Variants in IGF1R observed in about 807,000 individuals in gnomAD.
IGF1R encodes insulin-like growth factor 1 receptor.
A neutral mutation model predicts 144.6 loss-of-function variants in IGF1R; 44 were observed. That is an observed-to-expected ratio of 0.30 (90% CI 0.24 to 0.39). The LOEUF (loss-of-function observed/expected upper bound fraction) is 0.39, where lower values mean the gene tolerates loss of function less well. Ranked by LOEUF, IGF1R falls within the 10% of genes least tolerant of loss-of-function variation. The pLI, the probability that IGF1R is intolerant of heterozygous loss-of-function variation, is 1.00. For missense variants in IGF1R, 1,355 were observed against 1,833.7 expected, an observed-to-expected ratio of 0.74 and a Z score of 4.77; for synonymous variants, 795 against 722.8, an observed-to-expected ratio of 1.10 and a Z score of -1.60.
At chr15:98,868,686 T>C (rs1447235255) in intron 2 of IGF1R, among the ~76,000 whole-genome samples, 2 of 152,296 alleles carry the variant, frequency 1.3e-5, no homozygotes, top group South Asian at 2.1e-4. Flanking sequence ...CACTCTCTCT[T>C]TGTGCCTCAG....
rs1250021534 is a variant in IGF1R at position 98,803,182 on chromosome 15, A to G, written c.641-88143A>G. Among the ~76,000 whole-genome samples the G allele has an allele frequency of 3.9e-5, 6 of 152,188 alleles. No homozygotes were observed. The South Asian group carries it at 1.2e-3, about 31-fold the overall frequency. On this transcript the variant is annotated intron_variant, in intron 2 of 20. Transcript: ENST00000650285. ...GCGTACTTTCACAAACTTAGTTGAT[A>G]CAGCCTACTACACACCTAGGGTCCA...
At chr15:98,946,474 AGGT>A (rs941203658) in intron 19 of IGF1R, among the ~76,000 whole-genome samples, 4 of 151,986 alleles carry the variant, frequency 2.6e-5, no homozygotes, top group African/African-American at 9.7e-5. Flanking sequence ...ACCAAAGGAG[AGGT>A]GGTGGTGGGC....
At chr15:98,954,366 G>A (rs1250565361) in intron 20 of IGF1R, 1 of 150,904 alleles carries the variant, frequency 6.6e-6, no homozygotes, top group Non-Finnish European at 1.5e-5. Context: ...GAGAAGGATG[G>A]CGCCAGCCTC....
At chr15:98,840,980 C>T (rs1025191946) in intron 2 of IGF1R, among the ~76,000 whole-genome samples, 10 of 152,200 alleles carry the variant, frequency 6.6e-5, no homozygotes, top group Non-Finnish European at 1.2e-4. Flanking sequence ...TGCGCCTGGC[C>T]GTCCAGGCTG....
chr15:98,727,130 C>CT (rs781259299), intron 2 of IGF1R, among the ~76,000 whole-genome samples: 2 of 152,192 alleles, frequency 1.3e-5, no homozygotes, highest in Non-Finnish European at 2.9e-5. Context: ...TAAAACCATT[C>CT]TTTAATCTTG....
chr15:98,654,770 A>G (rs2141166642), intron 1 of IGF1R, among the ~76,000 whole-genome samples: 1 of 152,098 alleles, frequency 6.6e-6, no homozygotes, highest in East Asian at 1.9e-4. Flanking sequence ...TACTAAATAT[A>G]TAATAGTTGC....
At chr15:98,778,837 G>A (rs780078228) in intron 2 of IGF1R, among the ~76,000 whole-genome samples, 14 of 152,088 alleles carry the variant, frequency 9.2e-5, no homozygotes, top group Non-Finnish European at 1.6e-4. Context: ...GTGGATTTCC[G>A]GTGACTGATG....
chr15:98,907,126 G>T (rs1175875368), intron 5 of IGF1R, among the ~76,000 whole-genome samples: 2 of 152,228 alleles, frequency 1.3e-5, no homozygotes, highest in Non-Finnish European at 2.9e-5. Context: ...GCGCATGGCT[G>T]TGCAGCTCAT....
chr15:98,859,768 TAAG>T (rs1567165338), intron 2 of IGF1R, among the ~76,000 whole-genome samples: 1 of 152,236 alleles, frequency 6.6e-6, no homozygotes, highest in East Asian at 1.9e-4. Flanking sequence ...AGCCTAAATA[TAAG>T]AAGGTGTATG....
rs1385817382 is a variant in IGF1R at position 98,913,002 on chromosome 15, T to C, written c.1590-42T>C. The C allele has an allele frequency of 2.8e-6, 4 of 1,405,250 alleles. No individual in the cohort carries two copies. The South Asian group carries it at 4.6e-5, about 16-fold the overall frequency. The allele number at this position is 1,405,250 out of a possible 1,614,324, so 87.0% of individuals were successfully genotyped here. A position where few individuals can be genotyped will look rare whatever the true frequency, so the allele number is the denominator to read the frequency against. ...TGGGGAAGATTTTTGAGGGTTTTGA[T>C]GTCAGAGCCCCGAACTTTCTCTGAA... is the stretch of plus-strand genomic sequence containing the variant. On this transcript the variant is annotated intron_variant, in intron 7 of 20. Coordinates refer to ENST00000650285, the MANE Select transcript of IGF1R (RefSeq NM_000875.5).
At chr15:98,667,669 G>A (rs2052779258) in intron 1 of IGF1R, among the ~76,000 whole-genome samples, 1 of 152,146 alleles carries the variant, frequency 6.6e-6, no homozygotes. Flanking sequence ...CTTCGAGGTG[G>A]CCGAGCTTGT....
chr15:98,676,553 C>G (rs2053051635), intron 1 of IGF1R, among the ~76,000 whole-genome samples: 1 of 151,946 alleles, frequency 6.6e-6, no homozygotes, highest in South Asian at 2.1e-4. Context: ...GGAAGAATCT[C>G]CACTCAGGTT....
At chr15:98,846,543 G>A (rs1054909789) in intron 2 of IGF1R, among the ~76,000 whole-genome samples, 3 of 152,154 alleles carry the variant, frequency 2.0e-5, no homozygotes, top group African/African-American at 4.8e-5. Context: ...GGGTGACTTC[G>A]GGATGGTTAC....
intron 10 of IGF1R, among the ~76,000 whole-genome samples, chr15:98,921,356 T>A (rs1006449399): frequency 6.6e-6 from 1 of 152,216 alleles, no homozygotes; most frequent in African/African-American, 2.4e-5. Context: ...TCTGCCCTTT[T>A]TGGTGAGAAT....
chr15:98,875,437 T>C (rs2013014571), intron 2 of IGF1R, among the ~76,000 whole-genome samples: 1 of 151,558 alleles, frequency 6.6e-6, no homozygotes, highest in African/African-American at 2.4e-5. Context: ...GGAAGTACAG[T>C]CATGTGTTGT....
chr15:98,866,829 TAA>T (rs2012476295), intron 2 of IGF1R, among the ~76,000 whole-genome samples: 1 of 152,218 alleles, frequency 6.6e-6, no homozygotes, highest in East Asian at 1.9e-4. Flanking sequence ...GTGAAAGTTT[TAA>T]AAGTCATACT....
chr15:98,817,207 C>T lies in IGF1R; in HGVS notation c.641-74118C>T, dbSNP rs1159358185. 2.0e-5 allele frequency among the ~76,000 whole-genome samples: 3 copies of T among 151,930 alleles called. No homozygotes were observed. In the East Asian group the frequency reaches 5.8e-4, roughly 29 times the overall value. ...ATCCCAGCTACTCGGGAGTCTGAAG[C>T]AGGAGAATGGCTTGAACCCGGGAGG... On this transcript the variant is annotated intron_variant, in intron 2 of 20. Coordinates refer to ENST00000650285, the MANE Select transcript of IGF1R (RefSeq NM_000875.5).
chr15:98,951,723 C>G (rs898549343), intron 20 of IGF1R, among the ~76,000 whole-genome samples: 1 of 152,214 alleles, frequency 6.6e-6, no homozygotes, highest in Non-Finnish European at 1.5e-5. Context: ...GTGGGCCTCT[C>G]CGTAGCACTG....
intron 20 of IGF1R, among the ~76,000 whole-genome samples, chr15:98,948,929 TTTC>T (rs1391711174): frequency 2.6e-5 from 4 of 152,226 alleles, no homozygotes; most frequent in African/African-American, 9.6e-5. Flanking sequence ...TCCGTAATGC[TTTC>T]GTTCCGATTT....
Sources: gnomAD v4.1 joint callset for allele counts (sites outside exome capture counted in the v4.1 genomes callset) on GRCh38, gnomAD v4.1.1 for gene constraint, MANE v1.5 for transcripts, NCBI Gene and HGNC (gene_info 2026-07-23, HGNC 2026-07-21) for gene names.